METTL8: variants seen among roughly 807,000 people sequenced by gnomAD.
The protein encoded by METTL8 is methyltransferase 8, tRNA N3-cytidine, also known as tRNA N(3)-cytidine methyltransferase METTL8, mitochondrial.
METTL8 carries 32 observed loss-of-function variants against 48.7 expected under a neutral mutation model. The ratio of observed to expected loss-of-function variants is 0.66; its 90% CI spans 0.50 to 0.88. The LOEUF is 0.88. Among genes scored for constraint, METTL8 ranks in the 40% least tolerant of loss-of-function variants. The pLI is 0.00. For missense variants in METTL8, 464 were observed against 474.4 expected, an observed-to-expected ratio of 0.98 and a Z score of 0.20; for synonymous variants, 136 against 157.1, an observed-to-expected ratio of 0.87 and a Z score of 1.01.
At chr2:171,363,810 A>ATATATATATATATAGATATATATATATC (rs1160305500) in intron 2 of METTL8, among the ~76,000 whole-genome samples, 1 of 137,882 alleles carries the variant, frequency 7.3e-6, no homozygotes, top group African/African-American at 2.7e-5. Context: ...ATATATATAT[A>ATATATATATATATAGATATATATATATC]TATATCTTTT....
chr2:171,411,218 C>A (rs1259630244), intron 1 of METTL8, among the ~76,000 whole-genome samples: 4 of 152,300 alleles, frequency 2.6e-5, no homozygotes, highest in South Asian at 2.1e-4. Context: ...AATATAAATT[C>A]TCACCAAATC....
At chr2:171,404,078 T>TATATATATAC (rs1689927690) in intron 1 of METTL8, among the ~76,000 whole-genome samples, 2 of 116,856 alleles carry the variant, frequency 1.7e-5, no homozygotes, top group African/African-American at 7.0e-5. Context: ...TATATATATA[T>TATATATATAC]ATATATATAT....
chr2:171,434,725 C>T (rs957249149), upstream of METTL8: 24 of 1,422,544 alleles, frequency 1.7e-5, no homozygotes, highest in African/African-American at 2.4e-4. Flanking sequence ...CCGGCCGGGG[C>T]GGGACGGAGG....
chr2:171,353,641 T>A (rs902031647), intron 3 of METTL8, among the ~76,000 whole-genome samples: 1 of 152,216 alleles, frequency 6.6e-6, no homozygotes, highest in Non-Finnish European at 1.5e-5. Flanking sequence ...TGAATTTGGG[T>A]GCTCCTGTAT....
chr2:171,381,169 T>C (rs752883167), intron 2 of METTL8, among the ~76,000 whole-genome samples: 2 of 152,188 alleles, frequency 1.3e-5, no homozygotes, highest in Non-Finnish European at 2.9e-5. Context: ...AAGGATTCCC[T>C]ATATAAATGG....
chr2:171,384,872 C>A (rs1200341907), intron 2 of METTL8, among the ~76,000 whole-genome samples: 1 of 151,874 alleles, frequency 6.6e-6, no homozygotes, highest in Non-Finnish European at 1.5e-5. Flanking sequence ...AAGTAAAAGA[C>A]TATAGGCAGA....
upstream of METTL8, chr2:171,434,535 C>T: frequency 6.6e-7 from 1 of 1,523,368 alleles, no homozygotes; most frequent in South Asian, 1.2e-5. Context: ...GTGGGGCGCG[C>T]CACTCGGCGG....
At chr2:171,423,054 T>C (rs567679885) in intron 1 of METTL8, among the ~76,000 whole-genome samples, 1 of 152,306 alleles carries the variant, frequency 6.6e-6, no homozygotes, top group African/African-American at 2.4e-5. Flanking sequence ...CTTGTGATAG[T>C]GAGTTCTCAT....
chr2:171,338,883 G>C (rs1156318529), intron 4 of METTL8, among the ~76,000 whole-genome samples: 3 of 151,892 alleles, frequency 2.0e-5, no homozygotes, highest in Non-Finnish European at 4.4e-5. Context: ...TAATAACAAA[G>C]AGAGTAAAAA....
At chr2:171,433,815 A>G (rs973264511) in intron 1 of METTL8, 68 bp downstream of exon 1, 12 of 152,980 alleles carry the variant, frequency 7.8e-5, no homozygotes, top group African/African-American at 2.9e-4. Context: ...GCATCTTCCT[A>G]ATACAAAAGC....
chr2:171,365,340 T>C lies in METTL8; in HGVS notation c.144-4827A>G, dbSNP rs142037699. 1.4e-3 allele frequency among the ~76,000 whole-genome samples: 212 copies of C among 152,326 alleles called. 4 individuals are homozygous for C. In the East Asian group the frequency reaches 0.015, roughly 11 times the overall value. On this transcript the variant is annotated intron_variant, in intron 2 of 9. Coordinates refer to ENST00000375258, the MANE Select transcript of METTL8 (RefSeq NM_001321154.2). ...TTTGCTCCAGGAAATTCACAGAAAC[T>C]GCCAATGCTATACATCTTATTAAAT...
intron 1 of METTL8, among the ~76,000 whole-genome samples, chr2:171,427,700 G>A (rs1420866846): frequency 6.6e-6 from 1 of 152,194 alleles, no homozygotes; most frequent in Non-Finnish European, 1.5e-5. Flanking sequence ...AAAGCAGGGT[G>A]TTCAACCACC....
At chr2:171,343,648 T>A (rs1329181515) in intron 3 of METTL8, among the ~76,000 whole-genome samples, 1 of 152,186 alleles carries the variant, frequency 6.6e-6, no homozygotes, top group African/African-American at 2.4e-5. Context: ...ATCTACTTCT[T>A]ACACAAAGAT....
chr2:171,414,948 G>A (rs1691148687), intron 1 of METTL8, among the ~76,000 whole-genome samples: 1 of 152,066 alleles, frequency 6.6e-6, no homozygotes, highest in Admixed American at 6.5e-5. Context: ...TTTATAAGGG[G>A]AAACCCCTTT....
chr2:171,414,544 T>C (rs910580586), intron 1 of METTL8: 2 of 151,392 alleles, frequency 1.3e-5, no homozygotes, highest in Non-Finnish European at 2.9e-5. Flanking sequence ...CTGGGAAACA[T>C]AGTGAGACCC....
At chr2:171,340,198 CAA>C (rs35343261) in intron 3 of METTL8, among the ~76,000 whole-genome samples, 317 of 127,372 alleles carry the variant, frequency 2.5e-3, no homozygotes, top group Middle Eastern at 4.1e-3. Flanking sequence ...AACTCTGTCT[CAA>C]AAAAAAAAAA....
At chr2:171,347,932 A>G (rs1387940111) in intron 3 of METTL8, among the ~76,000 whole-genome samples, 1 of 152,032 alleles carries the variant, frequency 6.6e-6, no homozygotes, top group Non-Finnish European at 1.5e-5. Flanking sequence ...ATTTCTGTCC[A>G]CTCTCCAGGA....
At chr2:171,415,194 G>A (rs188734088) in intron 1 of METTL8, among the ~76,000 whole-genome samples, 43 of 152,208 alleles carry the variant, frequency 2.8e-4, no homozygotes, top group Admixed American at 9.8e-4. Flanking sequence ...GTACAAGATA[G>A]TATTTATAGT....
intron 9 of METTL8, among the ~76,000 whole-genome samples, chr2:171,324,889 G>C (rs1362954921): frequency 6.6e-6 from 1 of 152,098 alleles, no homozygotes; most frequent in African/African-American, 2.4e-5. Flanking sequence ...TGAATCACTT[G>C]AGGTCAGGAG....
Sources: allele counts gnomAD v4.1 joint callset (sites outside exome capture counted in the v4.1 genomes callset), GRCh38; gene constraint gnomAD v4.1.1; transcripts MANE v1.5; gene names NCBI Gene and HGNC (gene_info 2026-07-23, HGNC 2026-07-21).